Variants in ARMC2 observed in about 807,000 individuals in gnomAD.
ARMC2 encodes the protein armadillo repeat containing 2, also known as armadillo repeat-containing protein 2.
In ARMC2, 67 loss-of-function variants were observed where a neutral mutation model predicts 90.3. That is an observed-to-expected ratio of 0.74 (90% CI 0.61 to 0.91). The LOEUF (loss-of-function observed/expected upper bound fraction) is 0.91. Among genes scored for constraint, ARMC2 ranks in the 40% least tolerant of loss-of-function variants. The pLI is 0.00. For missense variants in ARMC2, 920 were observed against 1,030.9 expected (o/e 0.89, Z 1.47); for synonymous variants, 393 against 393.0 (o/e 1.00, Z 0.00).
At chr6:108,854,167 T>G (rs1184722742) in intron 1 of ARMC2, 58 bp from the exon 2 acceptor site, 2 of 881,982 alleles carry the variant, frequency 2.3e-6, no homozygotes, top group African/African-American at 1.7e-5. Flanking sequence ...GCTTAAGCAT[T>G]CGTTTTTATA....
At chr6:108,951,698 C>G (rs945324763) in intron 12 of ARMC2, among the ~76,000 whole-genome samples, 1 of 152,238 alleles carries the variant, frequency 6.6e-6, no homozygotes, top group African/African-American at 2.4e-5. Flanking sequence ...CTGGCCACAC[C>G]CGACGCCCCT....
intron 1 of ARMC2, among the ~76,000 whole-genome samples, chr6:108,849,777 AATT>A (rs1241419716): frequency 6.6e-6 from 1 of 152,258 alleles, no homozygotes; most frequent in African/African-American, 2.4e-5. Flanking sequence ...CCTATGGGGC[AATT>A]ATTATTACTA....
rs187597260 is a variant in ARMC2, at chr6:108,927,527, G to A, written c.1351-561G>A. Reference sequence around the variant, plus strand: ...TTCTCTTCTTGACTCTTTGACGAAGGTAAAGTAGATAGCTTTCCTGAATTT... The same window carrying A: ...TTCTCTTCTTGACTCTTTGACGAAGATAAAGTAGATAGCTTTCCTGAATTT... On this transcript the variant is annotated intron_variant, in intron 10 of 17. Transcript: ENST00000392644. 1.6e-4 allele frequency among the ~76,000 whole-genome samples: 24 copies of A among 150,882 alleles called. No homozygotes were observed. The South Asian group carries it at 3.6e-3, about 22-fold the overall frequency.
At chr6:108,864,997 A>ATT (rs36025894) in intron 3 of ARMC2, among the ~76,000 whole-genome samples, 2,501 of 132,788 alleles carry the variant, frequency 0.019, 96 homozygotes, top group African/African-American at 0.052. Context: ...TCTCAAGTGA[A>ATT]TTTTTTTTTT....
At chr6:109,007,509 AT>A in the ARMC2 span, among the ~76,000 whole-genome samples, 1 of 152,138 alleles carries the variant, frequency 6.6e-6, no homozygotes, top group Non-Finnish European at 1.5e-5. Flanking sequence ...CAGTAATTTT[AT>A]TTTTTAAATT....
the ARMC2 span, among the ~76,000 whole-genome samples, chr6:109,011,307 A>C: frequency 6.6e-6 from 1 of 152,228 alleles, no homozygotes; most frequent in South Asian, 2.1e-4. Context: ...CTGAAATTGT[A>C]TAGGAAGCTC....
intron 5 of ARMC2, 33 bp downstream of exon 5, chr6:108,876,383 G>A (rs752477439): frequency 3.2e-6 from 5 of 1,573,152 alleles, no homozygotes; most frequent in Non-Finnish European, 4.3e-6. Context: ...TTTCTGGTCA[G>A]GATAATGGTA....
chr6:109,032,617 C>A, the ARMC2 span, among the ~76,000 whole-genome samples: 1 of 139,234 alleles, frequency 7.2e-6, no homozygotes, highest in Non-Finnish European at 1.5e-5. Flanking sequence ...GACTTCATCT[C>A]GTGGGGGGAG....
chr6:108,892,180 C>T (rs1771141305), intron 5 of ARMC2, among the ~76,000 whole-genome samples: 1 of 152,012 alleles, frequency 6.6e-6, no homozygotes, highest in Non-Finnish European at 1.5e-5. Context: ...AGTCTCAAAC[C>T]TTCTTGTTAT....
chr6:108,854,656 A>G (rs1419159960), intron 2 of ARMC2, among the ~76,000 whole-genome samples, 171 bp downstream of exon 2: 1 of 152,194 alleles, frequency 6.6e-6, no homozygotes, highest in East Asian at 1.9e-4. Context: ...ACCCCCTACC[A>G]CAACACATCT....
At chr6:109,044,709 G>A in the ARMC2 span, among the ~76,000 whole-genome samples, 11 of 151,846 alleles carry the variant, frequency 7.2e-5, no homozygotes, top group African/African-American at 2.7e-4. Flanking sequence ...CAGACATCTC[G>A]AATCAAAAAA....
Position 108,868,944 on chromosome 6 carries a change from G to T in ARMC2, c.412G>T (p.Ala138Ser), listed in dbSNP as rs1776107744. Reference protein sequence around the residue: ...VSNARARLFRAASQRALLPDR... With the variant: ...VSNARARLFRSASQRALLPDR... Reference sequence around the variant, plus strand: ...CAACGCCAGGGCTCGCTTATTCAGGGCTGCCTCCCAGCGGGCCCTTCTGCC... The same window carrying T: ...CAACGCCAGGGCTCGCTTATTCAGGTCTGCCTCCCAGCGGGCCCTTCTGCC... Residue 138 changes from alanine (A) to serine (S), a missense_variant, in exon 4 of 18, where the codon GCT (alanine) becomes TCT (serine). By Grantham distance (99) the Ala-to-Ser change is moderately conservative. Coordinates refer to ENST00000392644, the MANE Select transcript of ARMC2 (RefSeq NM_032131.6). 6.2e-7 allele frequency: 1 copy of T among 1,613,862 alleles called. No individual in the cohort carries two copies. The highest frequency in any genetic ancestry group is 1.1e-5 in the South Asian group (1 of 91,054).
At chr6:108,957,999 C>T (rs1777716332) in intron 13 of ARMC2, among the ~76,000 whole-genome samples, 1 of 152,142 alleles carries the variant, frequency 6.6e-6, no homozygotes, top group Non-Finnish European at 1.5e-5. Flanking sequence ...GATGTGTGCT[C>T]TGTGAAGTGA....
At chr6:108,899,420 C>T (rs1771907923) in intron 6 of ARMC2, among the ~76,000 whole-genome samples, 1 of 152,152 alleles carries the variant, frequency 6.6e-6, no homozygotes, top group Admixed American at 6.5e-5. Context: ...GCCTTACTGA[C>T]AGTCATCAGT....
At chr6:108,948,587 G>A (rs117228343) in intron 12 of ARMC2, among the ~76,000 whole-genome samples, 2,913 of 150,418 alleles carry the variant, frequency 0.019, 43 homozygotes, top group Middle Eastern at 0.041. Context: ...AGTTGGCACC[G>A]CGGCTGCCAG....
At chr6:108,913,675 G>T (rs542596464) in intron 10 of ARMC2, among the ~76,000 whole-genome samples, 25 of 152,120 alleles carry the variant, frequency 1.6e-4, no homozygotes, top group African/African-American at 5.3e-4. Context: ...CAGCATTTTG[G>T]TGGTCATTTA....
At position 108,974,307 on chromosome 6, in the gene ARMC2, T is replaced by C. The variant is rs899673478; in HGVS notation, c.*793T>C. ...CTGCAACTGCAAAATGGGAATCATA[T>C]CAATTTTACTGTAGTGTAGTTTGGA... On this transcript the variant is annotated 3_prime_UTR_variant, in exon 18 of 18. Coordinates refer to ENST00000392644, the MANE Select transcript of ARMC2 (RefSeq NM_032131.6). The C allele has an allele frequency of 2.0e-5, 3 of 152,186 alleles. No individual in the cohort carries two copies. Among genetic ancestry groups the C allele is most frequent in the African/African-American group, 7.2e-5 (3 of 41,446 alleles). 9.4% of individuals were successfully genotyped at this position (152,186 alleles called of 1,614,324 possible).
intron 5 of ARMC2, among the ~76,000 whole-genome samples, chr6:108,878,116 CA>C (rs1777116154): frequency 6.6e-6 from 1 of 151,998 alleles, no homozygotes. Context: ...TAAAATAAAC[CA>C]AAAAACAGAA....
At chr6:108,950,342 T>C (rs1777089216) in intron 12 of ARMC2, among the ~76,000 whole-genome samples, 1 of 152,196 alleles carries the variant, frequency 6.6e-6, no homozygotes, top group South Asian at 2.1e-4. Flanking sequence ...ATTGTAGCAC[T>C]ATTCACAATA....
Sources: allele counts gnomAD v4.1 joint callset (sites outside exome capture counted in the v4.1 genomes callset), GRCh38; gene constraint gnomAD v4.1.1; transcripts MANE v1.5; gene names NCBI Gene and HGNC (gene_info 2026-07-23, HGNC 2026-07-21).